The following DIP2C variants were observed in gnomAD, a reference collection of about 807,000 sequenced individuals.
DIP2C encodes disco-interacting protein 2 homolog C.
Under a neutral mutation model 192.4 loss-of-function variants are expected in DIP2C, and 33 were observed. The ratio of observed to expected loss-of-function variants is 0.17; its 90% CI spans 0.13 to 0.23. The LOEUF is 0.23. DIP2C is among the 10% of genes least tolerant of loss of function. The pLI, the probability that DIP2C is intolerant of heterozygous loss-of-function variation, is 1.00. For synonymous variants in DIP2C, 979 were observed against 864.1 expected (o/e 1.13, Z -2.33); for missense variants, 1,537 against 2,110.1 (o/e 0.73, Z 5.32).
intron 1 of DIP2C, among the ~76,000 whole-genome samples, chr10:508,050 C>T (rs532139811): frequency 6.6e-6 from 1 of 152,330 alleles, no homozygotes; most frequent in South Asian, 2.1e-4. Flanking sequence ...CCCTTCCCTC[C>T]CTTTCCAAGC....
At chr10:431,688 T>TG (rs1327985374) in intron 4 of DIP2C, among the ~76,000 whole-genome samples, 2 of 152,384 alleles carry the variant, frequency 1.3e-5, no homozygotes, top group Non-Finnish European at 2.9e-5. Flanking sequence ...ATGCCATCTA[T>TG]GAACAAAGTT....
intron 1 of DIP2C, among the ~76,000 whole-genome samples, chr10:619,541 G>GCCCTCCCGCCCTCCCA (rs1554757196): frequency 3.3e-3 from 225 of 67,960 alleles, no homozygotes; most frequent in African/African-American, 7.5e-3. Flanking sequence ...CCGCCCGCCC[G>GCCCTCCCGCCCTCCCA]CCCTCCCACC....
At chr10:546,059 G>T (rs1848269792) in intron 1 of DIP2C, among the ~76,000 whole-genome samples, 1 of 152,074 alleles carries the variant, frequency 6.6e-6, no homozygotes, top group Non-Finnish European at 1.5e-5. Context: ...AGGCAGATGG[G>T]TCACTTGAAG....
intron 1 of DIP2C, among the ~76,000 whole-genome samples, chr10:656,745 G>A (rs2132045990): frequency 6.6e-6 from 1 of 152,142 alleles, no homozygotes; most frequent in Admixed American, 6.5e-5. Context: ...GGAGTGACAG[G>A]AAGACAGACG....
intron 1 of DIP2C, among the ~76,000 whole-genome samples, chr10:597,781 C>T (rs1266085566): frequency 2.0e-5 from 3 of 152,124 alleles, no homozygotes; most frequent in African/African-American, 7.2e-5. Context: ...AAGAGAATAA[C>T]GTCACTGGCC....
chr10:386,749 G>A (rs1410676544), intron 14 of DIP2C, among the ~76,000 whole-genome samples: 1 of 152,198 alleles, frequency 6.6e-6, no homozygotes, highest in East Asian at 1.9e-4. Context: ...TCACTCATGT[G>A]ACAACTCCTA....
intron 1 of DIP2C, among the ~76,000 whole-genome samples, chr10:603,321 AAAAAAAAAAAAACC>A (rs1852224051): frequency 2.2e-5 from 3 of 139,372 alleles, no homozygotes; most frequent in Non-Finnish European, 3.1e-5. Flanking sequence ...AAAAAAAAAA[AAAAAAAAAAAAACC>A]AACCATGAGA....
Position 472,418 on chromosome 10 carries a change from A to G in DIP2C, c.268+21T>C, listed in dbSNP as rs1015910810. ...CACAGGTGGCAGATGGACGTATTGT[A>G]TCACCCCACCCCGTGCTTACCTGAC... On this transcript the variant is annotated intron_variant, in intron 3 of 36. Transcript: ENST00000280886. The G allele has an allele frequency of 4.4e-6, 7 of 1,607,280 alleles. No individual in the cohort carries two copies. In the African/African-American group the frequency reaches 5.4e-5, roughly 12 times the overall value.
At chr10:453,862 G>A (rs978399635) in intron 3 of DIP2C, among the ~76,000 whole-genome samples, 1 of 152,204 alleles carries the variant, frequency 6.6e-6, no homozygotes, top group Non-Finnish European at 1.5e-5. Flanking sequence ...GTCGGAGCTG[G>A]GGGTGAGCTG....
At chr10:470,475 G>C (rs1487164896) in intron 3 of DIP2C, among the ~76,000 whole-genome samples, 1 of 152,100 alleles carries the variant, frequency 6.6e-6, no homozygotes, top group East Asian at 1.9e-4. Flanking sequence ...GTGAGGTAAG[G>C]TGCACGGATG....
intron 1 of DIP2C, among the ~76,000 whole-genome samples, chr10:604,113 A>C (rs1852299968): frequency 6.8e-6 from 1 of 148,144 alleles, no homozygotes; most frequent in Non-Finnish European, 1.5e-5. Context: ...CCCTCTCATC[A>C]AGGCATGTGT....
intron 1 of DIP2C, among the ~76,000 whole-genome samples, chr10:581,496 G>A (rs947051050): frequency 6.6e-6 from 1 of 152,128 alleles, no homozygotes; most frequent in African/African-American, 2.4e-5. Context: ...TTTTTAAGTT[G>A]CAATACTTAA....
chr10:560,575 TTC>T lies in DIP2C; in HGVS notation c.86-74047_86-74046del, dbSNP rs532904082. ...TCTCAGGCTGGTTTCAAAGTAAGCT[TTC>T]TGTTTGCTGATAACTTAATAATTAA... On this transcript the variant is annotated intron_variant, in intron 1 of 36. Transcript: ENST00000280886. Among the ~76,000 whole-genome samples, 143 of 152,202 alleles carry T rather than the reference TTC, an allele frequency of 9.4e-4. 1 individual carries two copies. The highest frequency in any genetic ancestry group is 1.4e-3 in the Non-Finnish European group (94 of 68,040).
Position 327,147 on chromosome 10 carries a change from C to T in DIP2C, c.3783G>A (p.Arg1261=), listed in dbSNP as rs1016011809. 1 of 1,613,966 alleles carries T rather than the reference C, an allele frequency of 6.2e-7. No individual in the cohort carries two copies. Among genetic ancestry groups the T allele is most frequent in the Non-Finnish European group, 8.5e-7 (1 of 1,180,042 alleles). Residue 1261 remains arginine, a synonymous_variant, in exon 31 of 37, where the codon AGG becomes AGA. Transcript: ENST00000280886. ...KARGLDLSRV[R]TCVVVAEERP... ...TCTCTTCCGCCACAACCACGCAGGT[C>T]CTCACTCGGGACAAGTCCAGCCCTC...
chr10:351,450 G>T (rs972566097), intron 24 of DIP2C, among the ~76,000 whole-genome samples: 1 of 152,180 alleles, frequency 6.6e-6, no homozygotes, highest in African/African-American at 2.4e-5. Flanking sequence ...GGGCTGCGGG[G>T]AGGCGGCCCA....
chr10:460,588 T>A (rs1459442768), intron 3 of DIP2C, among the ~76,000 whole-genome samples: 2 of 152,064 alleles, frequency 1.3e-5, no homozygotes, highest in African/African-American at 4.8e-5. Context: ...GCTGCTAAAA[T>A]TCAGTCATTG....
chr10:516,073 G>A lies in DIP2C; in HGVS notation c.86-29543C>T, dbSNP rs574259895. ...GTGGGATGGTTTCCACTTCCACGAC[G>A]AGAGGAAACGAGGGGGTTTCCTGAA... On this transcript the variant is annotated intron_variant, in intron 1 of 36. Coordinates refer to ENST00000280886, the MANE Select transcript of DIP2C (RefSeq NM_014974.3). 2.6e-4 allele frequency among the ~76,000 whole-genome samples: 39 copies of A among 151,312 alleles called. No individual in the cohort carries two copies. In the South Asian group the frequency reaches 3.1e-3, roughly 12 times the overall value.
chr10:574,620 A>G (rs1850039407), intron 1 of DIP2C, among the ~76,000 whole-genome samples: 2 of 152,218 alleles, frequency 1.3e-5, no homozygotes, highest in Admixed American at 1.3e-4. Flanking sequence ...CATACTCAAG[A>G]GACCCTGATT....
intron 22 of DIP2C, among the ~76,000 whole-genome samples, chr10:361,599 A>T (rs1289546925): frequency 6.6e-6 from 1 of 152,132 alleles, no homozygotes; most frequent in Non-Finnish European, 1.5e-5. Flanking sequence ...CTGGGTTGAG[A>T]GTGTCTGACA....
Sources: gnomAD v4.1 joint callset for allele counts (sites outside exome capture counted in the v4.1 genomes callset) on GRCh38, gnomAD v4.1.1 for gene constraint, MANE v1.5 for transcripts, NCBI Gene and HGNC (gene_info 2026-07-23, HGNC 2026-07-21) for gene names.